Variants in UBE2D3 observed in about 807,000 individuals in gnomAD.
UBE2D3 encodes the protein ubiquitin-conjugating enzyme E2 D3.
Under a neutral mutation model 22.8 loss-of-function variants are expected in UBE2D3, and 2 were observed. The ratio of observed to expected loss-of-function variants is 0.09; its 90% CI spans 0.04 to 0.28. The LOEUF is 0.28. Among genes scored for constraint, UBE2D3 ranks in the 10% least tolerant of loss-of-function variants. The pLI is 1.00. For missense variants in UBE2D3, 27 were observed against 182.5 expected, an observed-to-expected ratio of 0.15 and a Z score of 4.91; for synonymous variants, 56 against 60.4, an observed-to-expected ratio of 0.93 and a Z score of 0.34.
intron 1 of UBE2D3, among the ~76,000 whole-genome samples, chr4:102,853,161 G>A (rs1326591634): frequency 3.7e-3 from 35 of 9,504 alleles, no homozygotes; most frequent in African/African-American, 0.02. Context: ...TTTTTTTTTT[G>A]AGACGGAGTT....
intron 1 of UBE2D3, among the ~76,000 whole-genome samples, chr4:102,846,921 G>A (rs970974846): frequency 6.6e-6 from 1 of 152,148 alleles, no homozygotes; most frequent in South Asian, 2.1e-4. Context: ...TGGGATTACA[G>A]GCATGAGCTA....
At chr4:102,837,117 A>G (rs1298901738) in intron 1 of UBE2D3, 1 of 152,226 alleles carries the variant, frequency 6.6e-6, no homozygotes, top group Non-Finnish European at 1.5e-5. Context: ...TTTTTAAATT[A>G]TTAGCTAGCA....
chr4:102,794,824 C>G lies in UBE2D3; in HGVS notation c.*2591G>C, dbSNP rs1237863979. 6.6e-6 allele frequency: 1 copy of G among 151,982 alleles called. No individual in the cohort carries two copies. The highest frequency in any genetic ancestry group is 1.5e-5 in the Non-Finnish European group (1 of 67,926). 9.4% of individuals were successfully genotyped at this position (151,982 alleles called of 1,614,324 possible). A position where few individuals can be genotyped will look rare whatever the true frequency, so the allele number is the denominator to read the frequency against. ...TGCAAACTCGCCCAGGAAAAACAAA[C>G]TGAGTCATTTAAAATGTAAATTTAC... On this transcript the variant is annotated 3_prime_UTR_variant, in exon 8 of 8. Coordinates refer to ENST00000453744, the MANE Select transcript of UBE2D3 (RefSeq NM_181891.3).
At chr4:102,859,944 C>A (rs1271051681) in intron 1 of UBE2D3, among the ~76,000 whole-genome samples, 1 of 151,670 alleles carries the variant, frequency 6.6e-6, no homozygotes, top group African/African-American at 2.4e-5. Flanking sequence ...CTCCCGGGTT[C>A]ACACCATTCT....
intron 1 of UBE2D3, chr4:102,827,017 A>T: frequency 5.0e-6 from 5 of 993,538 alleles, no homozygotes; most frequent in Non-Finnish European, 6.0e-6. Flanking sequence ...CTCCGGACGG[A>T]CGCCGGGCTG....
intron 1 of UBE2D3, among the ~76,000 whole-genome samples, chr4:102,850,398 T>C (rs2110366664): frequency 6.6e-6 from 1 of 152,288 alleles, no homozygotes; most frequent in East Asian, 1.9e-4. Flanking sequence ...TGATTTAGGG[T>C]TTACCACCTT....
At chr4:102,822,954 G>A (rs374057077) in intron 2 of UBE2D3, among the ~76,000 whole-genome samples, 3 of 152,028 alleles carry the variant, frequency 2.0e-5, no homozygotes, top group Non-Finnish European at 4.4e-5. Context: ...ACAAAAAAAG[G>A]AATTGAAATG....
intron 2 of UBE2D3, among the ~76,000 whole-genome samples, chr4:102,814,749 C>T (rs1728559051): frequency 6.6e-6 from 1 of 152,074 alleles, no homozygotes; most frequent in Admixed American, 6.5e-5. Flanking sequence ...ACCAAGATTC[C>T]TGGGCAAGGC....
At chr4:102,805,500 T>A (rs1297798673) in intron 4 of UBE2D3, among the ~76,000 whole-genome samples, 1 of 151,850 alleles carries the variant, frequency 6.6e-6, no homozygotes, top group Admixed American at 6.6e-5. Flanking sequence ...GTATTCTTTT[T>A]TTTTTTTTTT....
At position 102,835,032 on chromosome 4, in the gene UBE2D3, G is replaced by A. The variant is rs530701996; in HGVS notation, c.-128-8396C>T. 1.4e-3 allele frequency among the ~76,000 whole-genome samples: 208 copies of A among 152,200 alleles called. No individual in the cohort carries two copies. In the Middle Eastern group the frequency reaches 0.017, roughly 12 times the overall value. On this transcript the variant is annotated intron_variant, in intron 1 of 7. Coordinates refer to the UBE2D3 transcript ENST00000338145. ...TCAGGATACCCTGATGGCTCTGTGG[G>A]TATCCTTAGTGTTCACTTATCACAG...
At chr4:102,810,703 G>A (rs908999299) in intron 2 of UBE2D3, 2 of 151,976 alleles carry the variant, frequency 1.3e-5, no homozygotes, top group Admixed American at 6.6e-5. Flanking sequence ...CAATATGAAC[G>A]TTTTATTTCC....
chr4:102,855,470 A>G (rs1732574856), intron 1 of UBE2D3, among the ~76,000 whole-genome samples: 1 of 152,232 alleles, frequency 6.6e-6, no homozygotes. Context: ...TCTGTTGCCC[A>G]AGCTGGAGCA....
chr4:102,821,729 A>G (rs561969690), intron 2 of UBE2D3, among the ~76,000 whole-genome samples: 1 of 152,302 alleles, frequency 6.6e-6, no homozygotes, highest in South Asian at 2.1e-4. Context: ...GTGATTATGC[A>G]TTGCATACCT....
At position 102,796,879 on chromosome 4, in the gene UBE2D3, T is replaced by C. The variant is rs968948973; in HGVS notation, c.*536A>G. The C allele has an allele frequency of 6.6e-6, 1 of 152,560 alleles. No individual in the cohort carries two copies. The highest frequency in any genetic ancestry group is 1.5e-5 in the Non-Finnish European group (1 of 67,962). 9.5% of individuals were successfully genotyped at this position (152,560 alleles called of 1,614,324 possible). A position where few individuals can be genotyped will look rare whatever the true frequency, so the allele number is the denominator to read the frequency against. On this transcript the variant is annotated 3_prime_UTR_variant, in exon 8 of 8. Transcript: ENST00000453744. ...CATGCATAAAATACATCACATTTTC[T>C]GTTCTGCTGATGCTATAAATTCAAT...
upstream of UBE2D3, chr4:102,827,999 T>G (rs1434550854): frequency 2.0e-6 from 2 of 985,316 alleles, no homozygotes; most frequent in African/African-American, 3.5e-5. Context: ...ACCGAAGCGG[T>G]AGCTCTGCAA....
intron 2 of UBE2D3, chr4:102,811,822 G>A (rs1728089845): frequency 2.3e-6 from 1 of 435,542 alleles, no homozygotes. Context: ...TTCGAGACCA[G>A]CTTGGATAAC....
chr4:102,804,128 G>A (rs1472394448), intron 4 of UBE2D3, among the ~76,000 whole-genome samples: 1 of 151,744 alleles, frequency 6.6e-6, no homozygotes, highest in African/African-American at 2.4e-5. Context: ...TTTTTTTGTA[G>A]GGGTGGAGGG....
At chr4:102,797,790 A>G (rs1383529535) in intron 7 of UBE2D3, among the ~76,000 whole-genome samples, 1 of 152,038 alleles carries the variant, frequency 6.6e-6, no homozygotes, top group Non-Finnish European at 1.5e-5. Flanking sequence ...TTTACAGTTC[A>G]TTATGGACAA....
At chr4:102,842,564 A>T (rs1042006645) in intron 1 of UBE2D3, among the ~76,000 whole-genome samples, 9 of 151,660 alleles carry the variant, frequency 5.9e-5, no homozygotes, top group African/African-American at 2.2e-4. Context: ...AAAAAAAAAA[A>T]CCTCGAGTTT....
Sources: gnomAD v4.1 joint callset for allele counts (sites outside exome capture counted in the v4.1 genomes callset) on GRCh38, gnomAD v4.1.1 for gene constraint, MANE v1.5 for transcripts, NCBI Gene and HGNC (gene_info 2026-07-23, HGNC 2026-07-21) for gene names.